Variants in ZNF609 observed in about 807,000 individuals in gnomAD.
The protein encoded by ZNF609 is zinc finger protein 609.
Under a neutral mutation model 109.5 loss-of-function variants are expected in ZNF609, and 11 were observed. That is an observed-to-expected ratio of 0.10 (90% CI 0.06 to 0.17). The LOEUF is 0.17. Among genes scored for constraint, ZNF609 ranks in the 10% least tolerant of loss-of-function variants. The pLI, the probability that ZNF609 is intolerant of heterozygous loss-of-function variation, is 1.00. For synonymous variants in ZNF609, 646 were observed against 662.0 expected (o/e 0.98, Z 0.37); for missense variants, 1,559 against 1,772.4 (o/e 0.88, Z 2.16).
At chr15:64,590,542 C>A (rs1895275779) in intron 2 of ZNF609, among the ~76,000 whole-genome samples, 1 of 152,072 alleles carries the variant, frequency 6.6e-6, no homozygotes, top group African/African-American at 2.4e-5. Context: ...TGGTCTTGAA[C>A]TCCTGGCCTC....
At chr15:64,642,876 C>T (rs1896283572) in intron 3 of ZNF609, among the ~76,000 whole-genome samples, 1 of 152,070 alleles carries the variant, frequency 6.6e-6, no homozygotes, top group Non-Finnish European at 1.5e-5. Flanking sequence ...CAACTATGCA[C>T]CAATTTAAGA....
intron 3 of ZNF609, among the ~76,000 whole-genome samples, chr15:64,629,476 T>G (rs920504286): frequency 6.6e-6 from 1 of 152,178 alleles, no homozygotes; most frequent in African/African-American, 2.4e-5. Flanking sequence ...GGAATCACTG[T>G]TTCAGGCTCC....
intron 3 of ZNF609, among the ~76,000 whole-genome samples, chr15:64,638,015 T>TATATAA (rs1264442722): frequency 5.0e-5 from 7 of 139,194 alleles, no homozygotes; most frequent in Admixed American, 1.6e-4. Flanking sequence ...TATATATATA[T>TATATAA]AAAATATATA....
intron 2 of ZNF609, among the ~76,000 whole-genome samples, chr15:64,568,479 C>T (rs907250863): frequency 1.3e-5 from 2 of 152,088 alleles, no homozygotes; most frequent in African/African-American, 4.8e-5. Flanking sequence ...CTTGAAAATC[C>T]CAATCCCCCT....
intron 2 of ZNF609, among the ~76,000 whole-genome samples, chr15:64,611,445 T>A (rs1460541086): frequency 6.6e-6 from 1 of 152,202 alleles, no homozygotes; most frequent in African/African-American, 2.4e-5. Flanking sequence ...CACACTGATT[T>A]TGCTTATGAG....
At chr15:64,658,667 C>T (rs1208083365) in intron 3 of ZNF609, among the ~76,000 whole-genome samples, 1 of 151,576 alleles carries the variant, frequency 6.6e-6, no homozygotes, top group East Asian at 1.9e-4. Flanking sequence ...TGTGGTGGTG[C>T]ACACCTGTGG....
chr15:64,566,804 T>C (rs1038808123), intron 2 of ZNF609, among the ~76,000 whole-genome samples: 1 of 152,192 alleles, frequency 6.6e-6, no homozygotes, highest in African/African-American at 2.4e-5. Context: ...TTTTGAGAGC[T>C]AGTGGAGAGA....
intron 1 of ZNF609, among the ~76,000 whole-genome samples, chr15:64,461,516 C>T (rs1329967743): frequency 1.3e-5 from 2 of 152,132 alleles, no homozygotes; most frequent in African/African-American, 4.8e-5. Flanking sequence ...GTTGGATCAT[C>T]TCTGTGCTTT....
chr15:64,673,851 G>A, intron 4 of ZNF609, 65 bp from the exon 5 acceptor site: 1 of 1,531,520 alleles, frequency 6.5e-7, no homozygotes, highest in Non-Finnish European at 8.8e-7. Context: ...GGAGGCTACA[G>A]CTAAACTGCT....
At chr15:64,648,745 CA>C (rs1162012248) in intron 3 of ZNF609, among the ~76,000 whole-genome samples, 5,068 of 72,402 alleles carry the variant, frequency 0.07, 63 homozygotes, top group Middle Eastern at 0.15. Flanking sequence ...CACCACATAC[CA>C]AAAAAAAAAA....
intron 2 of ZNF609, among the ~76,000 whole-genome samples, chr15:64,614,250 A>G (rs1269491531): frequency 5.0e-5 from 6 of 118,824 alleles, no homozygotes; most frequent in African/African-American, 2.0e-4. Flanking sequence ...TTTTTTTTTG[A>G]GACGGAGTCT....
chr15:64,653,364 G>A (rs1020859851), intron 3 of ZNF609, among the ~76,000 whole-genome samples: 9 of 151,996 alleles, frequency 5.9e-5, no homozygotes, highest in African/African-American at 1.9e-4. Context: ...TCCTGGAAGC[G>A]CCAGGCGCAG....
chr15:64,489,673 G>GC lies in ZNF609; in HGVS notation c.-127-9619dup, dbSNP rs1893385071. Among the ~76,000 whole-genome samples, 6 of 151,664 alleles carry GC rather than the reference G, an allele frequency of 4.0e-5. No homozygotes were observed. The South Asian group carries it at 1.2e-3, about 32-fold the overall frequency. ...GCCTCCCAAGTAGCTGGGATTACAG[G>GC]CACCCGCCACCATGCATGGCTAATT... On this transcript the variant is annotated intron_variant, in intron 1 of 9. Transcript: ENST00000326648.
intron 3 of ZNF609, among the ~76,000 whole-genome samples, chr15:64,623,528 A>G (rs1895909926): frequency 6.6e-6 from 1 of 152,036 alleles, no homozygotes; most frequent in Non-Finnish European, 1.5e-5. Context: ...CACTCTTCCC[A>G]CTGATTGCCT....
chr15:64,493,998 A>G (rs1260765171), intron 1 of ZNF609, among the ~76,000 whole-genome samples: 1 of 152,198 alleles, frequency 6.6e-6, no homozygotes, highest in East Asian at 1.9e-4. Flanking sequence ...ATCTTTGGAA[A>G]TGTACCACCA....
intron 1 of ZNF609, among the ~76,000 whole-genome samples, chr15:64,488,840 A>G (rs924650857): frequency 3.9e-5 from 6 of 152,040 alleles, no homozygotes; most frequent in African/African-American, 7.2e-5. Context: ...TGGGAGGCCA[A>G]GGTGAGAGGA....
chr15:64,673,804 A>C, intron 4 of ZNF609, 112 bp from the exon 5 acceptor site: 1 of 1,204,806 alleles, frequency 8.3e-7, no homozygotes, highest in Non-Finnish European at 1.1e-6. Flanking sequence ...AACAAATCAT[A>C]TTCATTGAAA....
At chr15:64,470,577 G>T (rs148148667) in intron 1 of ZNF609, 1 of 151,840 alleles carries the variant, frequency 6.6e-6, no homozygotes, top group Non-Finnish European at 1.5e-5. Flanking sequence ...GCTGGAGTGC[G>T]TTGGCGTGAT....
intron 1 of ZNF609, among the ~76,000 whole-genome samples, chr15:64,467,683 A>G (rs1406595871): frequency 6.6e-6 from 1 of 152,138 alleles, no homozygotes; most frequent in African/African-American, 2.4e-5. Context: ...TGTCTCTACT[A>G]AAAATACAAA....
Sources: allele counts gnomAD v4.1 joint callset (sites outside exome capture counted in the v4.1 genomes callset), GRCh38; gene constraint gnomAD v4.1.1; transcripts MANE v1.5; gene names NCBI Gene and HGNC (gene_info 2026-07-23, HGNC 2026-07-21).